Variants in KRTAP26-1 observed in about 807,000 individuals in gnomAD.
The protein encoded by KRTAP26-1 is keratin associated protein 26-1.
For missense variants in KRTAP26-1, 273 were observed against 260.9 expected, an observed-to-expected ratio of 1.05 and a Z score of -0.32; for synonymous variants, 111 against 103.3, an observed-to-expected ratio of 1.07 and a Z score of -0.45.
rs1410816838 is a variant in KRTAP26-1, at chr21:30,320,300, T to C, written c.-265A>G. Reference sequence around the variant, plus strand: ...ATAAACCAATGCGACTGAGTTTTAATAGGATCTATCCTTCTTAAATTATCC... The same window carrying C: ...ATAAACCAATGCGACTGAGTTTTAACAGGATCTATCCTTCTTAAATTATCC... On this transcript the variant is annotated 5_prime_UTR_variant, in exon 1 of 1. Transcript: ENST00000360542. 2 of 334,310 alleles carry C rather than the reference T, an allele frequency of 6.0e-6. No individual in the cohort carries two copies. The highest frequency in any genetic ancestry group is 9.8e-5 in the South Asian group (1 of 10,194). The allele number at this position is 334,310 out of a possible 1,614,324, so 20.7% of individuals were successfully genotyped here. A position where few individuals can be genotyped will look rare whatever the true frequency, so the allele number is the denominator to read the frequency against.
Position 30,320,063 on chromosome 21 carries a change from T to C in KRTAP26-1, c.-28A>G, listed in dbSNP as rs759998212. On this transcript the variant is annotated 5_prime_UTR_variant, in exon 1 of 1. Transcript: ENST00000360542. Reference sequence around the variant, plus strand: ...TGAGGTTGTGAGAGCAGGCTGAAGTTGAGGCAAAGAAGTGAGTGTCTGAAG... The same window carrying C: ...TGAGGTTGTGAGAGCAGGCTGAAGTCGAGGCAAAGAAGTGAGTGTCTGAAG... 14 of 1,522,480 alleles carry C rather than the reference T, an allele frequency of 9.2e-6. No homozygotes were observed. The Admixed American group carries it at 3.0e-4, about 32-fold the overall frequency. The allele number at this position is 1,522,480 out of a possible 1,614,324, so 94.3% of individuals were successfully genotyped here.
rs1369091282 is a variant in KRTAP26-1 at position 30,319,580 on chromosome 21, A to G, written c.456T>C (p.Ser152=). 1 of 1,613,588 alleles carries G rather than the reference A, an allele frequency of 6.2e-7. No individual in the cohort carries two copies. Among genetic ancestry groups the G allele is most frequent in the Admixed American group, 1.7e-5 (1 of 59,960 alleles). Residue 152 remains serine, a synonymous_variant, in exon 1 of 1, where the codon AGT becomes AGC. Transcript: ENST00000360542. ...AAGTGAGGAGGTTTTGGGGCTGGCA[A>G]CTCTTGGACAAGCAGAATTGGGGGC... is the stretch of plus-strand genomic sequence containing the variant. ...AYRPQFCLSK[S]CQPQNLLTSG...
In KRTAP26-1 at chr21:30,319,724, G is replaced by A. The variant is rs1981633259; in HGVS notation, c.312C>T (p.Ser104=). 6.2e-7 allele frequency: 1 copy of A among 1,614,074 alleles called. No homozygotes were observed. The change falls in exon 1 of 1, where the codon TCC becomes TCT. Residue 104 remains serine (S), a synonymous_variant. Coordinates refer to ENST00000360542, the MANE Select transcript of KRTAP26-1 (RefSeq NM_203405.2). The stretch of plus-strand genomic sequence containing the variant: ...TACAGGATACTGGAAGGCAGGAACT[G>A]GAGAAGAAAGAAGCAGGAAGAAAAC... ...GSSFLPASFF[S]SSCLPVSCRP...
In KRTAP26-1 at chr21:30,319,500, A is replaced by G. The variant is rs920749686; in HGVS notation, c.536T>C (p.Val179Ala). 2.5e-6 allele frequency: 4 copies of G among 1,613,896 alleles called. No individual in the cohort carries two copies. Among genetic ancestry groups the G allele is most frequent in the Non-Finnish European group, 8.5e-7 (1 of 1,179,990 alleles). Residue 179 changes from valine (V) to alanine (A), a missense_variant, in exon 1 of 1, where the codon GTG (valine) becomes GCG (alanine). By Grantham distance (64) the Val-to-Ala change is moderately conservative (BLOSUM62 0). Coordinates refer to ENST00000360542, the MANE Select transcript of KRTAP26-1 (RefSeq NM_203405.2). ...LAYRPQSLHV[V>A]SSSLRPLGPL... ...CCCCAGAGGTCTGAGGCTGCTGGAC[A>G]CAACGTGAAGACTTTGAGGACGATA...
In KRTAP26-1 at chr21:30,319,380, C is replaced by G; in HGVS notation, c.*23G>C. The G allele has an allele frequency of 6.5e-7, 1 of 1,536,228 alleles. No individual in the cohort carries two copies. Among genetic ancestry groups the G allele is most frequent in the Non-Finnish European group, 8.8e-7 (1 of 1,139,742 alleles). On this transcript the variant is annotated 3_prime_UTR_variant, in exon 1 of 1. Coordinates refer to ENST00000360542, the MANE Select transcript of KRTAP26-1 (RefSeq NM_203405.2). ...TGTGGATGCTCAGAGTGATTATTCA[C>G]TGGAACAAAGAAGCTGCTGGTTTCA...
In KRTAP26-1 at chr21:30,319,968, G is replaced by T. The variant is rs1013000369; in HGVS notation, c.68C>A (p.Pro23His). The T allele has an allele frequency of 1.2e-6, 2 of 1,613,762 alleles. No homozygotes were observed. Among genetic ancestry groups the T allele is most frequent in the African/African-American group, 2.7e-5 (2 of 74,902 alleles). The change falls in exon 1 of 1, where the codon CCT (proline) becomes CAT (histidine). Residue 23 changes from proline to histidine, a missense_variant. Physicochemically the swap from Pro to His is moderately conservative, Grantham distance 77 (BLOSUM62 -2). Coordinates refer to ENST00000360542, the MANE Select transcript of KRTAP26-1 (RefSeq NM_203405.2). ...SGSLRTSRHI[P>H]LTSIDLCPTS... ...AGGGCAGAGGTCGATGGAGGTGAGA[G>T]GAATATGGCGGGAGGTTCTGAGAGA...
chr21:30,319,433 G>A lies in KRTAP26-1; in HGVS notation c.603C>T (p.Ser201=), dbSNP rs1484004403. 2 of 1,612,148 alleles carry A rather than the reference G, an allele frequency of 1.2e-6. No homozygotes were observed. Among genetic ancestry groups the A allele is most frequent in the Admixed American group, 3.3e-5 (2 of 59,870 alleles). Residue 201 remains serine (S), a synonymous_variant, in exon 1 of 1, where the codon AGC becomes AGT. Transcript: ENST00000360542. The part of the protein sequence containing the change: ...SGCQPLTHVF[S]TCRPSCSGL ...GTCCAGAGCAAGATGGACGACACGT[G>A]CTGAACACATGGGTCAGAGGTTGGC...
At chr21:30,319,876 CTGTGACCCAGG>C in the KRTAP26-1 span, 1 of 1,614,138 alleles carries the variant, frequency 6.2e-7, no homozygotes, top group East Asian at 2.2e-5. Context: ...TGGCAGTTGT[CTGTGACCCAGG>C]TATGGTCTTG....
In KRTAP26-1 at chr21:30,319,688, C is replaced by A; in HGVS notation, c.348G>T (p.Arg116Ser). ...GTGGACGACAGCCGCTGGACACATA[C>A]CTCTGTGGTCTACAGGATACTGGAA... ...SCLPVSCRPQ[R>S]YVSSGCRPLR... Residue 116 changes from arginine to serine, a missense_variant, in exon 1 of 1, where the codon AGG becomes AGT. Physicochemically the swap from Arg to Ser is moderately radical, Grantham distance 110. Transcript: ENST00000360542. 6.2e-7 allele frequency: 1 copy of A among 1,614,058 alleles called. No individual in the cohort carries two copies. The highest frequency in any genetic ancestry group is 8.5e-7 in the Non-Finnish European group (1 of 1,179,990).
chr21:30,319,633 T>A lies in KRTAP26-1; in HGVS notation c.403A>T (p.Ile135Leu). 6.2e-7 allele frequency: 1 copy of A among 1,613,860 alleles called. No individual in the cohort carries two copies. The highest frequency in any genetic ancestry group is 8.5e-7 in the Non-Finnish European group (1 of 1,179,958). Residue 135 changes from isoleucine to leucine, a missense_variant, in exon 1 of 1, where the codon ATA (isoleucine) becomes TTA (leucine). By Grantham distance (5) the Ile-to-Leu change is conservative. Coordinates refer to ENST00000360542, the MANE Select transcript of KRTAP26-1 (RefSeq NM_203405.2). Reference protein sequence around the residue: ...LRPLLNSYQPIGDCVPNAYRP... With the variant: ...LRPLLNSYQPLGDCVPNAYRP... ...TAGGCATTGGGCACACAGTCTCCTATGGGCTGGTAACTATTGAGCAGCGGC... is the reference window on the plus strand; with the variant it reads ...TAGGCATTGGGCACACAGTCTCCTAAGGGCTGGTAACTATTGAGCAGCGGC...
In KRTAP26-1 at chr21:30,319,841, G is replaced by T; in HGVS notation, c.195C>A (p.Ser65Arg). ...CGGTCTCACAGTGGACCGGCTGGCAGCTGGTTGGTTCACCGCAGGTCTCTT... is the reference window on the plus strand; with the variant it reads ...CGGTCTCACAGTGGACCGGCTGGCATCTGGTTGGTTCACCGCAGGTCTCTT... ...NCQETCGEPT[S>R]CQPVHCETGN... Residue 65 changes from serine (S) to arginine (R), a missense_variant, in exon 1 of 1, where the codon AGC becomes AGA. Ser to Arg is a moderately radical substitution (Grantham distance 110). Coordinates refer to ENST00000360542, the MANE Select transcript of KRTAP26-1 (RefSeq NM_203405.2). 6.2e-7 allele frequency: 1 copy of T among 1,614,048 alleles called. No homozygotes were observed. Among genetic ancestry groups the T allele is most frequent in the Non-Finnish European group, 8.5e-7 (1 of 1,179,952 alleles).
In KRTAP26-1 at chr21:30,319,676, G is replaced by A. The variant is rs376463034; in HGVS notation, c.360C>T (p.Ser120=). The A allele has an allele frequency of 4.7e-4, 751 of 1,614,016 alleles. 1 individual carries two copies. The highest frequency in any genetic ancestry group is 5.3e-4 in the Non-Finnish European group (628 of 1,179,964). Reference sequence around the variant, plus strand: ...GCAGCGGCCTCAGTGGACGACAGCCGCTGGACACATACCTCTGTGGTCTAC... The same window carrying A: ...GCAGCGGCCTCAGTGGACGACAGCCACTGGACACATACCTCTGTGGTCTAC... ...VSCRPQRYVS[S]GCRPLRPLLN... The change falls in exon 1 of 1, where the codon AGC becomes AGT. Residue 120 remains serine, a synonymous_variant. Coordinates refer to ENST00000360542, the MANE Select transcript of KRTAP26-1 (RefSeq NM_203405.2).
rs943525583 is a variant in KRTAP26-1 at position 30,319,225 on chromosome 21, G to A, written c.*178C>T. 1.4e-5 allele frequency: 8 copies of A among 562,464 alleles called. No homozygotes were observed. The highest frequency in any genetic ancestry group is 4.8e-4 in the Middle Eastern group (1 of 2,070). The allele number at this position is 562,464 out of a possible 1,614,324, so 34.8% of individuals were successfully genotyped here. A position where few individuals can be genotyped will look rare whatever the true frequency, so the allele number is the denominator to read the frequency against. ...AGCATTGTAAACTAATTTTTTTGAT[G>A]TCAAGGAAAGATGAAAACAAGATAA... On this transcript the variant is annotated 3_prime_UTR_variant, in exon 1 of 1. Transcript: ENST00000360542.
Position 30,319,445 on chromosome 21 carries a change from G to T in KRTAP26-1, c.591C>A (p.Thr197=), listed in dbSNP as rs1478128116. 1 of 1,613,664 alleles carries T rather than the reference G, an allele frequency of 6.2e-7. No homozygotes were observed. The highest frequency in any genetic ancestry group is 8.5e-7 in the Non-Finnish European group (1 of 1,179,754). Residue 197 remains threonine, a synonymous_variant, in exon 1 of 1, where the codon ACC becomes ACA. Coordinates refer to ENST00000360542, the MANE Select transcript of KRTAP26-1 (RefSeq NM_203405.2). ...ATGGACGACACGTGCTGAACACATGGGTCAGAGGTTGGCAACCACTGAACA... is the reference window on the plus strand; with the variant it reads ...ATGGACGACACGTGCTGAACACATGTGTCAGAGGTTGGCAACCACTGAACA... ...GPLFSGCQPL[T]HVFSTCRPSC... is the part of the protein sequence containing the mutation.
Position 30,319,849 on chromosome 21 carries a change from G to T in KRTAP26-1, c.187C>A (p.Pro63Thr). The T allele has an allele frequency of 6.2e-7, 1 of 1,614,072 alleles. No homozygotes were observed. The highest frequency in any genetic ancestry group is 2.2e-5 in the East Asian group (1 of 44,874). ...CAGTGGACCGGCTGGCAGCTGGTTG[G>T]TTCACCGCAGGTCTCTTGGCAGTTG... is the stretch of plus-strand genomic sequence containing the variant. ...TDNCQETCGE[P>T]TSCQPVHCET... The change falls in exon 1 of 1, where the codon CCA becomes ACA. Residue 63 changes from proline (P) to threonine (T), a missense_variant. Physicochemically the swap from Pro to Thr is conservative, Grantham distance 38 (BLOSUM62 -1). Transcript: ENST00000360542.
Position 30,319,874 on chromosome 21 carries a change from G to T in KRTAP26-1, c.162C>A (p.Asp54Glu), listed in dbSNP as rs1981641311. The change falls in exon 1 of 1, where the codon GAC becomes GAA. Residue 54 changes from aspartate (D) to glutamate (E), a missense_variant. Coordinates refer to ENST00000360542, the MANE Select transcript of KRTAP26-1 (RefSeq NM_203405.2). ...TSSQDHTWVT[D>E]NCQETCGEPT... ...GTTCACCGCAGGTCTCTTGGCAGTT[G>T]TCTGTGACCCAGGTATGGTCTTGAG... 3 of 1,614,152 alleles carry T rather than the reference G, an allele frequency of 1.9e-6. No individual in the cohort carries two copies. The highest frequency in any genetic ancestry group is 4.5e-5 in the East Asian group (2 of 44,866).
Position 30,319,983 on chromosome 21 carries a change from G to C in KRTAP26-1, c.53C>G (p.Thr18Ser), listed in dbSNP as rs751963349. The C allele has an allele frequency of 1.2e-6, 2 of 1,612,820 alleles. No individual in the cohort carries two copies. Among genetic ancestry groups the C allele is most frequent in the Admixed American group, 3.3e-5 (2 of 59,870 alleles). Residue 18 changes from threonine (T) to serine (S), a missense_variant, in exon 1 of 1, where the codon ACC (threonine) becomes AGC (serine). By Grantham distance (58) the Thr-to-Ser change is moderately conservative. Transcript: ENST00000360542. Reference sequence around the variant, plus strand: ...GGAGGTGAGAGGAATATGGCGGGAGGTTCTGAGAGATCCTGAGTTGGAGTT... The same window carrying C: ...GGAGGTGAGAGGAATATGGCGGGAGCTTCTGAGAGATCCTGAGTTGGAGTT... ...SGNSNSGSLR[T>S]SRHIPLTSID...
Position 30,320,293 on chromosome 21 carries a change from G to A in KRTAP26-1, c.-258C>T. Reference sequence around the variant, plus strand: ...TCTATCTATAAACCAATGCGACTGAGTTTTAATAGGATCTATCCTTCTTAA... The same window carrying A: ...TCTATCTATAAACCAATGCGACTGAATTTTAATAGGATCTATCCTTCTTAA... On this transcript the variant is annotated 5_prime_UTR_variant, in exon 1 of 1. Transcript: ENST00000360542. The A allele has an allele frequency of 2.9e-6, 1 of 344,784 alleles. No individual in the cohort carries two copies. Among genetic ancestry groups the A allele is most frequent in the Non-Finnish European group, 5.6e-6 (1 of 180,180 alleles). 21.4% of individuals were successfully genotyped at this position (344,784 alleles called of 1,614,324 possible).
In KRTAP26-1 at chr21:30,319,653, A is replaced by G; in HGVS notation, c.383T>C (p.Leu128Pro). The G allele has an allele frequency of 6.2e-7, 1 of 1,613,952 alleles. No individual in the cohort carries two copies. The highest frequency in any genetic ancestry group is 1.1e-5 in the South Asian group (1 of 91,074). ...VSSGCRPLRP[L>P]LNSYQPIGDC... ...TCCTATGGGCTGGTAACTATTGAGC[A>G]GCGGCCTCAGTGGACGACAGCCGCT... is the stretch of plus-strand genomic sequence containing the variant. Residue 128 changes from leucine (L) to proline (P), a missense_variant, in exon 1 of 1, where the codon CTG becomes CCG. By Grantham distance (98) the Leu-to-Pro change is moderately conservative. Transcript: ENST00000360542.
Sources: gnomAD v4.1 joint callset for allele counts on GRCh38, gnomAD v4.1.1 for gene constraint, MANE v1.5 for transcripts, NCBI Gene and HGNC (gene_info 2026-07-23, HGNC 2026-07-21) for gene names.